The following ZNF536 variants were observed in gnomAD, a reference collection of about 807,000 sequenced individuals.
ZNF536 encodes the protein zinc finger protein 536.
A neutral mutation model predicts 84.5 loss-of-function variants in ZNF536; 13 were observed. The observed-to-expected ratio is 0.15, with a 90% confidence interval of 0.10 to 0.24. The LOEUF is 0.24. ZNF536 is among the 10% of genes least tolerant of loss of function. ZNF536 has a pLI of 1.00. For missense variants in ZNF536, 1,536 were observed against 1,747.5 expected, an observed-to-expected ratio of 0.88 and a Z score of 2.16; for synonymous variants, 811 against 742.5, an observed-to-expected ratio of 1.09 and a Z score of -1.50.
At chr19:30,599,005 TTCCCTCTTCCTTCCTCCCTCCCTCCC>T (rs1229787042) in intron 1 of ZNF536, among the ~76,000 whole-genome samples, 4,880 of 83,300 alleles carry the variant, frequency 0.059, 432 homozygotes, top group African/African-American at 0.21. Context: ...CCCTTCCTCC[TTCCCTCTTCCTTCCTCCCTCCCTCCC>T]TCCCTTCCTT....
At chr19:30,682,197 T>C (rs1005430248) in intron 1 of ZNF536, among the ~76,000 whole-genome samples, 1 of 152,000 alleles carries the variant, frequency 6.6e-6, no homozygotes, top group Non-Finnish European at 1.5e-5. Context: ...GGGGATGAAA[T>C]CTTAATGGTA....
At chr19:30,466,318 G>T (rs752231260) in intron 2 of ZNF536, among the ~76,000 whole-genome samples, 3 of 151,392 alleles carry the variant, frequency 2.0e-5, no homozygotes, top group Non-Finnish European at 4.4e-5. Flanking sequence ...GAAGCAGGAG[G>T]ATCACTTGAT....
At chr19:30,453,392 G>T (rs975584384) in intron 2 of ZNF536, among the ~76,000 whole-genome samples, 2 of 152,186 alleles carry the variant, frequency 1.3e-5, no homozygotes, top group Non-Finnish European at 2.9e-5. Context: ...GTTTACTAGG[G>T]CTGTATTTTC....
chr19:30,659,291 G>A (rs1420563606), intron 1 of ZNF536, among the ~76,000 whole-genome samples: 5 of 151,932 alleles, frequency 3.3e-5, no homozygotes, highest in African/African-American at 7.3e-5. Flanking sequence ...ACATGGCCAG[G>A]GCAGGAGGAA....
chr19:30,355,860 G>A (rs184680532), intron 3 of ZNF536, among the ~76,000 whole-genome samples: 23 of 152,218 alleles, frequency 1.5e-4, no homozygotes, highest in African/African-American at 5.3e-4. Context: ...GATCTAAAGT[G>A]GCACAGTTTC....
intron 2 of ZNF536, among the ~76,000 whole-genome samples, chr19:30,288,095 T>C (rs1444460264): frequency 1.3e-5 from 2 of 152,206 alleles, no homozygotes; most frequent in African/African-American, 2.4e-5. Context: ...CACCCTGTTA[T>C]AAAAATGTCT....
At chr19:30,426,183 A>G (rs1403579535) in intron 1 of ZNF536, among the ~76,000 whole-genome samples, 2 of 152,196 alleles carry the variant, frequency 1.3e-5, no homozygotes, top group African/African-American at 4.8e-5. Flanking sequence ...TTGAGTTACA[A>G]AATGCTCTGG....
At chr19:30,566,248 C>T (rs542942773) in intron 1 of ZNF536, among the ~76,000 whole-genome samples, 97 of 152,222 alleles carry the variant, frequency 6.4e-4, no homozygotes, top group African/African-American at 2.1e-3. Flanking sequence ...AAAAACCAGC[C>T]GTGTGGGGGC....
rs568424286 is a variant in ZNF536, at chr19:30,673,580, G to T, written c.170-37177G>T. Among the ~76,000 whole-genome samples the T allele has an allele frequency of 8.5e-5, 13 of 152,276 alleles. 1 individual carries two copies. The highest frequency in any genetic ancestry group is 3.1e-4 in the African/African-American group (13 of 41,566). ...CCACCCAGGCACATCTTAAATAAAA[G>T]CAATAGTAAAAGAGTCAAGCCAACC... is the stretch of plus-strand genomic sequence containing the variant. On this transcript the variant is annotated intron_variant, in intron 1 of 1. Transcript: ENST00000592773.
Position 30,445,228 on chromosome 19 carries a change from G to A in ZNF536, c.1666G>A (p.Gly556Arg), listed in dbSNP as rs777668151. Residue 556 changes from glycine (G) to arginine (R), a missense_variant, in exon 2 of 5, where the codon GGG becomes AGG. Transcript: ENST00000355537. This position sits in a 1 kb window ranked among gnomAD's most constrained non-coding sequence, Gnocchi z 4.5. ...CCACGAAGACACTTTGGCAAACGCC[G>A]GGGTTCTGTTTGATAAGGAGAAGCG... ...RNHEDTLANA[G>R]VLFDKEKREY... The A allele has an allele frequency of 6.8e-6, 11 of 1,614,084 alleles. No individual in the cohort carries two copies. Among genetic ancestry groups the A allele is most frequent in the African/African-American group, 1.3e-5 (1 of 74,930 alleles).
chr19:30,504,494 C>T (rs1040581716), intron 2 of ZNF536, among the ~76,000 whole-genome samples: 1 of 135,704 alleles, frequency 7.4e-6, no homozygotes, highest in Non-Finnish European at 1.6e-5. Flanking sequence ...CTTCCTCCCT[C>T]CCACCTTCCC....
intron 2 of ZNF536, among the ~76,000 whole-genome samples, chr19:30,498,029 G>C (rs1318340049): frequency 2.0e-5 from 3 of 152,156 alleles, no homozygotes; most frequent in Admixed American, 1.3e-4. Context: ...AGACAGTGTG[G>C]TGATTCCTCA....
chr19:30,282,723 G>A (rs1200761389), intron 1 of ZNF536, among the ~76,000 whole-genome samples: 2 of 152,120 alleles, frequency 1.3e-5, no homozygotes, highest in African/African-American at 4.8e-5. Context: ...TTTGGAAAGT[G>A]TAGCATTGGG....
At chr19:30,428,674 G>C (rs1321212405) in intron 1 of ZNF536, among the ~76,000 whole-genome samples, 1 of 152,088 alleles carries the variant, frequency 6.6e-6, no homozygotes, top group East Asian at 1.9e-4. Context: ...CTGGAGGTGG[G>C]GGTGGGGGAA....
chr19:30,321,250 G>A (rs932285533), intron 2 of ZNF536, among the ~76,000 whole-genome samples: 1 of 152,160 alleles, frequency 6.6e-6, no homozygotes, highest in South Asian at 2.1e-4. Context: ...CCCTCACCAT[G>A]CTCATAGTTT....
rs578013077 is a variant in ZNF536 at position 30,490,164 on chromosome 19, T to C, written c.2170+44432T>C. ...GAGGATAAAAGCCATTGCTAACTTTTTTTTTTAACCAAGTTGACCAGTTGT... is the reference window on the plus strand; with the variant it reads ...GAGGATAAAAGCCATTGCTAACTTTCTTTTTTAACCAAGTTGACCAGTTGT... On this transcript the variant is annotated intron_variant, in intron 2 of 4. Transcript: ENST00000355537. 1.2e-4 allele frequency among the ~76,000 whole-genome samples: 19 copies of C among 152,358 alleles called. No individual in the cohort carries two copies. The South Asian group carries it at 2.7e-3, about 22-fold the overall frequency.
At chr19:30,271,378 G>T (rs1053468595) in intron 1 of ZNF536, among the ~76,000 whole-genome samples, 4 of 115,398 alleles carry the variant, frequency 3.5e-5, no homozygotes, top group Admixed American at 2.2e-4. Context: ...ATTTCTTCTT[G>T]TTGCTATATA....
At chr19:30,309,661 T>C (rs971136037) in intron 2 of ZNF536, among the ~76,000 whole-genome samples, 4 of 152,244 alleles carry the variant, frequency 2.6e-5, no homozygotes, top group African/African-American at 9.6e-5. Flanking sequence ...TTAAAAACTT[T>C]CGTAAGAACA....
At chr19:30,640,548 T>C (rs1300593996) in intron 1 of ZNF536, among the ~76,000 whole-genome samples, 1 of 152,148 alleles carries the variant, frequency 6.6e-6, no homozygotes, top group African/African-American at 2.4e-5. Flanking sequence ...AATTGAGGTA[T>C]CGTAAGATTG....
Sources: gnomAD v4.1 joint callset for allele counts (sites outside exome capture counted in the v4.1 genomes callset) on GRCh38, gnomAD v4.1.1 for gene constraint, Gnocchi (gnomAD v3.1) non-coding constraint, MANE v1.5 for transcripts, NCBI Gene and HGNC (gene_info 2026-07-23, HGNC 2026-07-21) for gene names.